R3HDM2: variants seen among roughly 807,000 people sequenced by gnomAD.
R3HDM2 encodes the protein R3H domain containing 2.
In R3HDM2, 38 loss-of-function variants were observed where a neutral mutation model predicts 124.5. The ratio of observed to expected loss-of-function variants is 0.31; its 90% CI spans 0.24 to 0.40. R3HDM2 has a LOEUF of 0.40. Among genes scored for constraint, R3HDM2 ranks in the 10% least tolerant of loss-of-function variants. R3HDM2 has a pLI of 1.00. For missense variants in R3HDM2, 869 were observed against 1,236.9 expected (o/e 0.70, Z 4.46); for synonymous variants, 391 against 448.0 (o/e 0.87, Z 1.61).
intron 2 of R3HDM2, among the ~76,000 whole-genome samples, chr12:57,364,099 T>C (rs2062298805): frequency 6.6e-6 from 1 of 151,540 alleles, no homozygotes; most frequent in Non-Finnish European, 1.5e-5. Flanking sequence ...CCTTATGTAA[T>C]AGTTTGCTAG....
At chr12:57,340,195 G>A (rs1002491888) in intron 2 of R3HDM2, among the ~76,000 whole-genome samples, 9 of 152,108 alleles carry the variant, frequency 5.9e-5, no homozygotes, top group Non-Finnish European at 1.3e-4. Flanking sequence ...AAACAAAACC[G>A]TCATCTTTTA....
At chr12:57,270,173 A>C (rs540120225) in intron 14 of R3HDM2, among the ~76,000 whole-genome samples, 179 bp from the exon 15 acceptor site, 10 of 152,176 alleles carry the variant, frequency 6.6e-5, no homozygotes, top group Non-Finnish European at 1.5e-4. Context: ...CTCCAGAGCC[A>C]GTCTCTCTAT....
At chr12:57,399,152 C>T (rs2138944907) in intron 1 of R3HDM2, among the ~76,000 whole-genome samples, 1 of 152,156 alleles carries the variant, frequency 6.6e-6, no homozygotes, top group East Asian at 1.9e-4. Flanking sequence ...ACTTGTAATC[C>T]CAGCACTTTG....
At chr12:57,379,010 T>C (rs1162106207) in intron 2 of R3HDM2, among the ~76,000 whole-genome samples, 1 of 152,142 alleles carries the variant, frequency 6.6e-6, no homozygotes, top group East Asian at 1.9e-4. Flanking sequence ...AGTTAGAATA[T>C]TCAAAATCAT....
intron 12 of R3HDM2, among the ~76,000 whole-genome samples, chr12:57,284,512 A>G (rs1192980440): frequency 6.6e-6 from 1 of 152,244 alleles, no homozygotes. Flanking sequence ...AAAACCCACA[A>G]TGGGTCTTCC....
chr12:57,392,256 T>C (rs761172504), intron 2 of R3HDM2, among the ~76,000 whole-genome samples: 5 of 152,170 alleles, frequency 3.3e-5, no homozygotes, highest in Non-Finnish European at 7.3e-5. Context: ...TAACAGCGGT[T>C]TCCAACCTTT....
At chr12:57,351,123 A>C (rs1215822772) in intron 2 of R3HDM2, among the ~76,000 whole-genome samples, 1 of 151,882 alleles carries the variant, frequency 6.6e-6, no homozygotes, top group African/African-American at 2.4e-5. Flanking sequence ...ATAAAATACA[A>C]AATTAGCTAG....
At chr12:57,277,800 T>A (rs1461017666) in intron 14 of R3HDM2, among the ~76,000 whole-genome samples, 1 of 152,202 alleles carries the variant, frequency 6.6e-6, no homozygotes, top group African/African-American at 2.4e-5. Context: ...GTGGTGTTTG[T>A]GTGTGCACAT....
At chr12:57,399,245 T>C (rs762144591) in intron 1 of R3HDM2, among the ~76,000 whole-genome samples, 1 of 151,762 alleles carries the variant, frequency 6.6e-6, no homozygotes, top group African/African-American at 2.4e-5. Context: ...CTACTAAAAA[T>C]ACAAAAATTA....
Position 57,253,953 on chromosome 12 carries a change from T to TG in R3HDM2, c.*819dup, listed in dbSNP as rs914871814. On this transcript the variant is annotated 3_prime_UTR_variant, in exon 24 of 24. Transcript: ENST00000402412. Reference sequence around the variant, plus strand: ...TCAAACAAACAATATACAAGTGTTCTGGGGGGGCCAGGGGAATCCCAAGTT... The same window carrying TG: ...TCAAACAAACAATATACAAGTGTTCTGGGGGGGGCCAGGGGAATCCCAAGTT... 7 of 342,672 alleles carry TG rather than the reference T, an allele frequency of 2.0e-5. No individual in the cohort carries two copies. Among genetic ancestry groups the TG allele is most frequent in the Middle Eastern group, 9.7e-4 (1 of 1,028 alleles). 21.2% of individuals were successfully genotyped at this position (342,672 alleles called of 1,614,324 possible).
chr12:57,295,200 C>T lies in R3HDM2; in HGVS notation c.810+199G>A, dbSNP rs570739578. ...CCTAGCAAACCTCAGCACCATGTCT[C>T]TCTAGGGCTAAGAGGGTGGCATCCA... On this transcript the variant is annotated intron_variant, in intron 10 of 23. Transcript: ENST00000402412. Among the ~76,000 whole-genome samples the T allele has an allele frequency of 2.0e-5, 3 of 152,326 alleles. No individual in the cohort carries two copies. In the South Asian group the frequency reaches 6.2e-4, roughly 32 times the overall value.
At chr12:57,373,776 G>A (rs1264789297) in intron 2 of R3HDM2, among the ~76,000 whole-genome samples, 1 of 151,706 alleles carries the variant, frequency 6.6e-6, no homozygotes, top group Non-Finnish European at 1.5e-5. Context: ...TCGCACCATT[G>A]CACTCCAGTC....
At chr12:57,278,183 AC>A (rs1014665566) in intron 14 of R3HDM2, among the ~76,000 whole-genome samples, 8 of 152,096 alleles carry the variant, frequency 5.3e-5, no homozygotes, top group African/African-American at 1.9e-4. Context: ...GTGTTCCTTT[AC>A]CCCCGAGCTA....
intron 2 of R3HDM2, among the ~76,000 whole-genome samples, chr12:57,383,585 G>A (rs1372871515): frequency 6.6e-6 from 1 of 152,046 alleles, no homozygotes; most frequent in Non-Finnish European, 1.5e-5. Context: ...GTGGGTGCCT[G>A]TAATCCCAGC....
chr12:57,408,074 C>T (rs1011774793), intron 1 of R3HDM2, among the ~76,000 whole-genome samples: 3 of 152,186 alleles, frequency 2.0e-5, no homozygotes, highest in African/African-American at 4.8e-5. Flanking sequence ...AAATTACAGG[C>T]GTTTGCCACC....
intron 1 of R3HDM2, among the ~76,000 whole-genome samples, chr12:57,413,262 C>A (rs1015181036): frequency 6.6e-6 from 1 of 152,060 alleles, no homozygotes; most frequent in African/African-American, 2.4e-5. Flanking sequence ...CATGGCAAGT[C>A]ACCATAACTA....
At chr12:57,289,096 C>T (rs778040371) in intron 11 of R3HDM2, 56 bp from the exon 12 acceptor site, 114 of 1,464,856 alleles carry the variant, frequency 7.8e-5, no homozygotes, top group Middle Eastern at 1.7e-4. Flanking sequence ...ATGGCATGAC[C>T]GAAAAGGATG....
intron 2 of R3HDM2, among the ~76,000 whole-genome samples, chr12:57,385,728 T>C (rs1245676504): frequency 6.6e-6 from 1 of 150,492 alleles, no homozygotes; most frequent in Non-Finnish European, 1.5e-5. Flanking sequence ...ATATGAGATG[T>C]GTGTAATGAC....
intron 1 of R3HDM2, among the ~76,000 whole-genome samples, chr12:57,422,770 C>T (rs564653190): frequency 6.6e-6 from 1 of 151,232 alleles, no homozygotes; most frequent in South Asian, 2.1e-4. Context: ...TGCTTGAGCC[C>T]AAGCGTTCAA....
Sources: gnomAD v4.1 joint callset for allele counts (sites outside exome capture counted in the v4.1 genomes callset) on GRCh38, gnomAD v4.1.1 for gene constraint, MANE v1.5 for transcripts, NCBI Gene and HGNC (gene_info 2026-07-23, HGNC 2026-07-21) for gene names.